The following PIEZO2 variants were observed in gnomAD, a reference collection of about 807,000 sequenced individuals.
PIEZO2 encodes piezo type mechanosensitive ion channel component 2.
A neutral mutation model predicts 337.3 loss-of-function variants in PIEZO2; 172 were observed. That is an observed-to-expected ratio of 0.51 (90% CI 0.45 to 0.58). The LOEUF is 0.58. PIEZO2 is among the 20% of genes least tolerant of loss of function. The pLI, the probability that PIEZO2 is intolerant of heterozygous loss-of-function variation, is 0.00. For missense variants in PIEZO2, 3,028 were observed against 3,391.3 expected (o/e 0.89, Z 2.66); for synonymous variants, 1,251 against 1,228.5 (o/e 1.02, Z -0.38).
rs2036898852 is a variant in PIEZO2 at position 11,035,498 on chromosome 18, C to T, written c.160+30629G>A. Among the ~76,000 whole-genome samples the T allele has an allele frequency of 6.6e-6, 1 of 152,192 alleles. No homozygotes were observed. The highest frequency in any genetic ancestry group is 1.5e-5 in the Non-Finnish European group (1 of 68,034). On this transcript the variant is annotated intron_variant, in intron 2 of 55. Transcript: ENST00000674853. This position sits in a 1 kb window ranked among gnomAD's most constrained non-coding sequence, Gnocchi z 4.3. ...AAATAAACCTGTTTCCTTTACATATCTCCCAGCCTCAGATATTCCTTTAGA... is the reference window on the plus strand; with the variant it reads ...AAATAAACCTGTTTCCTTTACATATTTCCCAGCCTCAGATATTCCTTTAGA...
chr18:11,088,429 T>A (rs1160512665), intron 1 of PIEZO2, among the ~76,000 whole-genome samples: 1 of 152,274 alleles, frequency 6.6e-6, no homozygotes, highest in Non-Finnish European at 1.5e-5. Context: ...ACCTCTGCAA[T>A]GCAGAAACAA....
intron 1 of PIEZO2, among the ~76,000 whole-genome samples, chr18:11,147,491 G>C (rs1465643227): frequency 6.6e-6 from 1 of 152,218 alleles, no homozygotes; most frequent in Non-Finnish European, 1.5e-5. Context: ...ACACAGGTGT[G>C]ATCAACCTCG....
chr18:10,917,589 G>A (rs2031080611), intron 3 of PIEZO2, among the ~76,000 whole-genome samples: 1 of 152,114 alleles, frequency 6.6e-6, no homozygotes, highest in Non-Finnish European at 1.5e-5. Flanking sequence ...TAAAACTGGT[G>A]GTCAAAGGAG....
intron 1 of PIEZO2, among the ~76,000 whole-genome samples, chr18:11,084,329 G>C (rs900911257): frequency 1.2e-4 from 18 of 152,144 alleles, no homozygotes; most frequent in African/African-American, 4.3e-4. Flanking sequence ...CAGGTGCCAC[G>C]GACAGTAACC....
At position 10,705,332 on chromosome 18, in the gene PIEZO2, T is replaced by G; in HGVS notation, c.5999+4A>C. 6.5e-7 allele frequency: 1 copy of G among 1,528,732 alleles called. No individual in the cohort carries two copies. The highest frequency in any genetic ancestry group is 8.8e-7 in the Non-Finnish European group (1 of 1,142,186). 94.7% of individuals were successfully genotyped at this position (1,528,732 alleles called of 1,614,324 possible). ...TGTGTCTGATCTGTTCACTGGACCC[T>G]TACTTTTTCAGCAGCAGCTCGCTGG... On this transcript the variant is annotated splice_donor_region_variant and intron_variant, in intron 41 of 55. Transcript: ENST00000674853.
intron 28 of PIEZO2, among the ~76,000 whole-genome samples, chr18:10,751,136 A>T (rs758499493): frequency 1.8e-4 from 28 of 152,344 alleles, no homozygotes; most frequent in African/African-American, 6.3e-4. Context: ...CCATTGCATC[A>T]TAATTATTTA....
chr18:11,106,111 G>A (rs187505183), intron 1 of PIEZO2, among the ~76,000 whole-genome samples: 20 of 151,782 alleles, frequency 1.3e-4, no homozygotes, highest in African/African-American at 4.1e-4. Flanking sequence ...TTTTTGAGAC[G>A]GCATCTGGCT....
At chr18:10,916,525 G>A (rs1279292548) in intron 3 of PIEZO2, among the ~76,000 whole-genome samples, 2 of 152,164 alleles carry the variant, frequency 1.3e-5, no homozygotes, top group Admixed American at 6.5e-5. Flanking sequence ...CTGCTGGCCC[G>A]AGTGCTAAGC....
chr18:11,040,797 T>G (rs1332536784), intron 2 of PIEZO2, among the ~76,000 whole-genome samples: 1 of 152,218 alleles, frequency 6.6e-6, no homozygotes, highest in Non-Finnish European at 1.5e-5. Context: ...AAATTTGATT[T>G]TCATGAAGTT....
chr18:11,013,737 A>C (rs1412466800), intron 2 of PIEZO2, among the ~76,000 whole-genome samples: 1 of 152,198 alleles, frequency 6.6e-6, no homozygotes, highest in African/African-American at 2.4e-5. Context: ...GGATGGTCTC[A>C]TGTGAGACCT....
chr18:11,020,353 A>G (rs560376688), intron 2 of PIEZO2, among the ~76,000 whole-genome samples: 101 of 152,254 alleles, frequency 6.6e-4, no homozygotes, highest in Middle Eastern at 3.4e-3. Flanking sequence ...TCACAAAATG[A>G]CTTCCTGCAA....
At chr18:11,118,550 A>G (rs79441363) in intron 1 of PIEZO2, among the ~76,000 whole-genome samples, 3,864 of 152,332 alleles carry the variant, frequency 0.025, 74 homozygotes, top group East Asian at 0.077. Context: ...GGAATGTTTC[A>G]TAACAGAAAT....
chr18:10,748,682 T>C lies in PIEZO2; in HGVS notation c.4265-52A>G. On this transcript the variant is annotated intron_variant, in intron 29 of 55. Transcript: ENST00000674853. The surrounding 1 kb of genome is among the most constrained non-coding windows in gnomAD (Gnocchi z 5.1). ...TTAAAATTAACATCCATTTTCATTG[T>C]AATTTTATAAAATCTGAGGTATGGT... 7.2e-7 allele frequency: 1 copy of C among 1,385,860 alleles called. No homozygotes were observed. The highest frequency in any genetic ancestry group is 9.4e-7 in the Non-Finnish European group (1 of 1,063,024). The allele number at this position is 1,385,860 out of a possible 1,614,324, so 85.8% of individuals were successfully genotyped here.
At chr18:10,695,171 C>T (rs1333688515) in intron 47 of PIEZO2, among the ~76,000 whole-genome samples, 1 of 152,244 alleles carries the variant, frequency 6.6e-6, no homozygotes, top group African/African-American at 2.4e-5. Context: ...ATCATTTGTT[C>T]ATCCATGAGC....
rs145714493 is a variant in PIEZO2, at chr18:10,815,328, G to A, written c.918-8054C>T. 3.3e-5 allele frequency among the ~76,000 whole-genome samples: 5 copies of A among 152,226 alleles called. No individual in the cohort carries two copies. Among genetic ancestry groups the A allele is most frequent in the African/African-American group, 1.2e-4 (5 of 41,520 alleles). ...AGAATGGTGATCCAGACATGGATTC[G>A]AGCCCTGCCTGAATGATTACCTACG... On this transcript the variant is annotated intron_variant, in intron 7 of 55. Transcript: ENST00000674853. The surrounding 1 kb of genome is among the most constrained non-coding windows in gnomAD (Gnocchi z 4.1).
intron 40 of PIEZO2, among the ~76,000 whole-genome samples, chr18:10,706,995 G>A (rs746153273): frequency 6.6e-6 from 1 of 152,158 alleles, no homozygotes; most frequent in African/African-American, 2.4e-5. Context: ...TGGCAGAGCG[G>A]CTCACGGCAT....
At position 10,746,428 on chromosome 18, in the gene PIEZO2, C is replaced by T. The variant is rs1275297182; in HGVS notation, c.4424+2043G>A. On this transcript the variant is annotated intron_variant, in intron 30 of 55. Transcript: ENST00000674853. The surrounding 1 kb of genome is among the most constrained non-coding windows in gnomAD (Gnocchi z 4.2). ...TTCACTGGGCTGCTTCCCCTGCCTT[C>T]TCCTCTGACTAACTCCTCTTCATCC... Among the ~76,000 whole-genome samples the T allele has an allele frequency of 6.6e-6, 1 of 152,194 alleles. No homozygotes were observed. Among genetic ancestry groups the T allele is most frequent in the Non-Finnish European group, 1.5e-5 (1 of 68,032 alleles).
chr18:10,760,364 G>T (rs1027428142), intron 24 of PIEZO2, among the ~76,000 whole-genome samples: 1 of 152,306 alleles, frequency 6.6e-6, no homozygotes, highest in African/African-American at 2.4e-5. Context: ...GAGTGCAGTG[G>T]TGCAAACTTG....
rs1450011220 is a variant in PIEZO2, at chr18:10,855,076, G to A, written c.917+277C>T. Among the ~76,000 whole-genome samples the A allele has an allele frequency of 6.6e-6, 1 of 152,076 alleles. No homozygotes were observed. The highest frequency in any genetic ancestry group is 1.5e-5 in the Non-Finnish European group (1 of 68,032). On this transcript the variant is annotated intron_variant, in intron 7 of 55. Transcript: ENST00000674853. The surrounding 1 kb of genome is among the most constrained non-coding windows in gnomAD (Gnocchi z 4.9). Reference sequence around the variant, plus strand: ...ATGTTCTTCCTGATCTTCTTCCCCAGCTGAGACTCTGTGTCTTATTCCTAC... The same window carrying A: ...ATGTTCTTCCTGATCTTCTTCCCCAACTGAGACTCTGTGTCTTATTCCTAC...
Sources: gnomAD v4.1 joint callset for allele counts (sites outside exome capture counted in the v4.1 genomes callset) on GRCh38, gnomAD v4.1.1 for gene constraint, Gnocchi (gnomAD v3.1) non-coding constraint, MANE v1.5 for transcripts, NCBI Gene and HGNC (gene_info 2026-07-23, HGNC 2026-07-21) for gene names.